Variants in ZNF829 observed in about 807,000 individuals in gnomAD.
ZNF829 encodes the protein zinc finger protein 829.
In ZNF829, 25 loss-of-function variants were observed where a neutral mutation model predicts 35.2. The ratio of observed to expected loss-of-function variants is 0.71; its 90% CI spans 0.52 to 0.99. The LOEUF (loss-of-function observed/expected upper bound fraction) is 0.99, where lower values mean the gene tolerates loss of function less well. Ranked by LOEUF, ZNF829 falls within the 50% of genes least tolerant of loss-of-function variation. The pLI is 0.00. For missense variants in ZNF829, 417 were observed against 515.3 expected, an observed-to-expected ratio of 0.81 and a Z score of 1.85; for synonymous variants, 136 against 163.2, an observed-to-expected ratio of 0.83 and a Z score of 1.27.
intron 5 of ZNF829, among the ~76,000 whole-genome samples, chr19:36,904,642 T>C (rs7257251): frequency 0.16 from 24,695 of 152,060 alleles, 2,532 homozygotes; most frequent in African/African-American, 0.28. Context: ...TCAAGTGATC[T>C]GCCCGCCTCG....
Position 36,891,289 on chromosome 19 carries a change from G to T in ZNF829, c.*203C>A. 1.9e-6 allele frequency: 1 copy of T among 513,586 alleles called. No homozygotes were observed. The highest frequency in any genetic ancestry group is 3.2e-6 in the Non-Finnish European group (1 of 308,050). 31.8% of individuals were successfully genotyped at this position (513,586 alleles called of 1,614,324 possible). A position where few individuals can be genotyped will look rare whatever the true frequency, so the allele number is the denominator to read the frequency against. On this transcript the variant is annotated 3_prime_UTR_variant, in exon 6 of 6. Transcript: ENST00000391711. ...AAAACGATCAGCACCCTTGAGTTTA[G>T]ATTTCCAGGCTCTAAACTATGAGAG...
At chr19:36,912,203 G>A (rs924680421) in intron 3 of ZNF829, among the ~76,000 whole-genome samples, 1 of 152,126 alleles carries the variant, frequency 6.6e-6, no homozygotes, top group Non-Finnish European at 1.5e-5. Context: ...TCAGAGAAGA[G>A]GCTTTAAATG....
intron 5 of ZNF829, chr19:36,906,951 G>A (rs4006391): frequency 0.13 from 18,945 of 151,380 alleles, 1,319 homozygotes; most frequent in Middle Eastern, 0.19. Flanking sequence ...AGCTGGGCGT[G>A]GTGGCGCAGG....
At chr19:36,912,355 A>T (rs1045579778) in intron 3 of ZNF829, among the ~76,000 whole-genome samples, 1 of 152,220 alleles carries the variant, frequency 6.6e-6, no homozygotes, top group African/African-American at 2.4e-5. Context: ...CAAAAAAATT[A>T]ACCCACAGAG....
In ZNF829 at chr19:36,892,320, T is replaced by G; in HGVS notation, c.471A>C (p.Glu157Asp). 1 of 1,613,874 alleles carries G rather than the reference T, an allele frequency of 6.2e-7. No individual in the cohort carries two copies. Among genetic ancestry groups the G allele is most frequent in the Admixed American group, 1.7e-5 (1 of 60,022 alleles). Reference protein sequence around the residue: ...QKTMSEEKPWECKICGKTFNQ... With the variant: ...QKTMSEEKPWDCKICGKTFNQ... ...TAAAGGTCTTTCCACATATCTTACA[T>G]TCCCATGGTTTCTCTTCACTCATAG... Residue 157 changes from glutamate to aspartate, a missense_variant, in exon 6 of 6, where the codon GAA (glutamate) becomes GAC (aspartate). By Grantham distance (45) the Glu-to-Asp change is conservative. Coordinates refer to ENST00000391711, the MANE Select transcript of ZNF829 (RefSeq NM_001037232.4).
Position 36,888,995 on chromosome 19 carries a change from CT to C in ZNF829, c.*2496del, listed in dbSNP as rs1330248383. The C allele has an allele frequency of 6.6e-6, 1 of 152,218 alleles. No individual in the cohort carries two copies. Among genetic ancestry groups the C allele is most frequent in the African/African-American group, 2.4e-5 (1 of 41,446 alleles). The allele number at this position is 152,218 out of a possible 1,614,324, so 9.4% of individuals were successfully genotyped here. A position where few individuals can be genotyped will look rare whatever the true frequency, so the allele number is the denominator to read the frequency against. ...CCATGTCAGCCAGACTGGTCTCAAA[CT>C]CTTGACATCATGTGATCTGCCCGCC... On this transcript the variant is annotated 3_prime_UTR_variant, in exon 6 of 6. Transcript: ENST00000391711.
chr19:36,908,083 C>A, intron 4 of ZNF829, 59 bp from the exon 5 acceptor site: 1 of 1,472,960 alleles, frequency 6.8e-7, no homozygotes, highest in Non-Finnish European at 9.4e-7. Flanking sequence ...GAAATCAGAT[C>A]CAGTCCCTTA....
intron 5 of ZNF829, among the ~76,000 whole-genome samples, chr19:36,899,218 T>C (rs1038985537): frequency 2.1e-4 from 32 of 152,136 alleles, no homozygotes; most frequent in Non-Finnish European, 1.5e-5. Context: ...GTCAGGAGGA[T>C]CACTTGAGGC....
rs559418642 is a variant in ZNF829 at position 36,895,961 on chromosome 19, G to C, written c.320-3490C>G. Among the ~76,000 whole-genome samples the C allele has an allele frequency of 2.0e-5, 3 of 152,260 alleles. No homozygotes were observed. In the South Asian group the frequency reaches 6.2e-4, roughly 32 times the overall value. ...GCGGGAGGATCACTTGAGGTCAGGA[G>C]TTCGAGACCAGCCTTCCCAACATGA... On this transcript the variant is annotated intron_variant, in intron 5 of 5. Transcript: ENST00000391711.
chr19:36,915,803 G>C, intron 1 of ZNF829: 1 of 1,485,494 alleles, frequency 6.7e-7, no homozygotes. Context: ...CACCATGTTG[G>C]CCAGGATGGT....
chr19:36,894,081 C>A (rs1452606254), intron 5 of ZNF829, among the ~76,000 whole-genome samples: 1 of 152,164 alleles, frequency 6.6e-6, no homozygotes, highest in African/African-American at 2.4e-5. Flanking sequence ...CCTGGCATAC[C>A]CCTCATCCTA....
Position 36,891,375 on chromosome 19 carries a change from C to T in ZNF829, c.*117G>A, listed in dbSNP as rs1054735954. 7.0e-5 allele frequency: 74 copies of T among 1,053,392 alleles called. No homozygotes were observed. In the African/African-American group the frequency reaches 1.1e-3, roughly 16 times the overall value. 65.3% of individuals were successfully genotyped at this position (1,053,392 alleles called of 1,614,324 possible). ...GGTACTTGGTACTTTGTTATCGTAT[C>T]GTTTAAAAACGAATACATAGGAGAA... On this transcript the variant is annotated 3_prime_UTR_variant, in exon 6 of 6. Coordinates refer to ENST00000391711, the MANE Select transcript of ZNF829 (RefSeq NM_001037232.4).
intron 5 of ZNF829, chr19:36,892,887 G>A: frequency 8.6e-7 from 1 of 1,159,162 alleles, no homozygotes; most frequent in South Asian, 4.0e-5. Context: ...AGCTCCGACT[G>A]CAAGGCCATC....
chr19:36,906,582 CT>C, intron 5 of ZNF829: 1 of 152,098 alleles, frequency 6.6e-6, no homozygotes, highest in African/African-American at 2.4e-5. Context: ...GGTATATTTA[CT>C]AAAGTTGAAC....
intron 5 of ZNF829, among the ~76,000 whole-genome samples, chr19:36,894,469 A>T (rs912253137): frequency 4.6e-5 from 7 of 152,176 alleles, no homozygotes; most frequent in African/African-American, 1.7e-4. Context: ...GAAATCTATC[A>T]AGTGCCTGAA....
rs2073033001 is a variant in ZNF829, at chr19:36,889,777, CTGATA to C, written c.*1710_*1714del. The C allele has an allele frequency of 6.6e-6, 1 of 152,030 alleles. No individual in the cohort carries two copies. The highest frequency in any genetic ancestry group is 1.9e-4 in the East Asian group (1 of 5,196). 9.4% of individuals were successfully genotyped at this position (152,030 alleles called of 1,614,324 possible). ...GTTCTCAGTCTCATTTTTGCCTGCTCTGATATTTGTTATTGCTTTTCTTCTGCCAG... is the reference window on the plus strand; with the variant it reads ...GTTCTCAGTCTCATTTTTGCCTGCTCTTTGTTATTGCTTTTCTTCTGCCAG... On this transcript the variant is annotated 3_prime_UTR_variant, in exon 6 of 6. Coordinates refer to ENST00000391711, the MANE Select transcript of ZNF829 (RefSeq NM_001037232.4).
intron 3 of ZNF829, among the ~76,000 whole-genome samples, chr19:36,909,120 T>G (rs1294942169): frequency 6.6e-6 from 1 of 152,050 alleles, no homozygotes; most frequent in Non-Finnish European, 1.5e-5. Context: ...ACTGTAAAAC[T>G]AACATGAAAA....
rs990221957 is a variant in ZNF829, at chr19:36,891,421, A to T, written c.*71T>A. ...GAGAACCTTTGATAATATGTATCCT[A>T]ATTTGTTCTCCTTACCTGTTTTAAA... On this transcript the variant is annotated 3_prime_UTR_variant, in exon 6 of 6. Transcript: ENST00000391711. 1.4e-6 allele frequency: 2 copies of T among 1,424,368 alleles called. No individual in the cohort carries two copies. The highest frequency in any genetic ancestry group is 1.9e-6 in the Non-Finnish European group (2 of 1,065,810). 88.2% of individuals were successfully genotyped at this position (1,424,368 alleles called of 1,614,324 possible).
rs2073035106 is a variant in ZNF829, at chr19:36,890,033, C to T, written c.*1459G>A. The T allele has an allele frequency of 6.6e-6, 1 of 152,174 alleles. No individual in the cohort carries two copies. The highest frequency in any genetic ancestry group is 1.5e-5 in the Non-Finnish European group (1 of 68,032). The allele number at this position is 152,174 out of a possible 1,614,324, so 9.4% of individuals were successfully genotyped here. A position where few individuals can be genotyped will look rare whatever the true frequency, so the allele number is the denominator to read the frequency against. ...TTAGTTTCATCATTGATCCAAAAATCATTCAGGAGCAAGCTGTTTAAATTC... is the reference window on the plus strand; with the variant it reads ...TTAGTTTCATCATTGATCCAAAAATTATTCAGGAGCAAGCTGTTTAAATTC... On this transcript the variant is annotated 3_prime_UTR_variant, in exon 6 of 6. Transcript: ENST00000391711.
Sources: gnomAD v4.1 joint callset for allele counts (sites outside exome capture counted in the v4.1 genomes callset) on GRCh38, gnomAD v4.1.1 for gene constraint, MANE v1.5 for transcripts, NCBI Gene and HGNC (gene_info 2026-07-23, HGNC 2026-07-21) for gene names.